The following TLL1 variants were observed in gnomAD, a reference collection of about 807,000 sequenced individuals.
TLL1 encodes the protein tolloid like 1.
In TLL1, 49 loss-of-function variants were observed where a neutral mutation model predicts 128.2. The ratio of observed to expected loss-of-function variants is 0.38; its 90% CI spans 0.30 to 0.48. The LOEUF (loss-of-function observed/expected upper bound fraction) is 0.48. Ranked by LOEUF, TLL1 falls within the 20% of genes least tolerant of loss-of-function variation. TLL1 has a pLI of 0.96. For synonymous variants in TLL1, 454 were observed against 418.8 expected, an observed-to-expected ratio of 1.08 and a Z score of -1.03; for missense variants, 1,123 against 1,242.0, an observed-to-expected ratio of 0.90 and a Z score of 1.44.
intron 13 of TLL1, 77 bp from the exon 14 acceptor site, chr4:166,057,107 G>C: frequency 6.4e-7 from 1 of 1,559,872 alleles, no homozygotes; most frequent in Non-Finnish European, 8.8e-7. Flanking sequence ...ATTTGGGTGG[G>C]GACACAGCCA....
In TLL1 at chr4:165,873,924, C is replaced by T. The variant is rs779541611; in HGVS notation, c.20C>T (p.Ser7Phe). 14 of 1,614,064 alleles carry T rather than the reference C, an allele frequency of 8.7e-6. No homozygotes were observed. Among genetic ancestry groups the T allele is most frequent in the Non-Finnish European group, 1.2e-5 (14 of 1,180,020 alleles). The change falls in exon 1 of 21, where the codon TCC (serine) becomes TTC (phenylalanine). Residue 7 changes from serine to phenylalanine, a missense_variant. Ser to Phe is a radical substitution (Grantham distance 155, BLOSUM62 -2). Transcript: ENST00000061240. MGLGTL[S>F]PRMLVWLVAS... ...AGGAGGATGGGGTTGGGAACGCTTT[C>T]CCCGAGGATGCTCGTGTGGCTGGTG... is the stretch of plus-strand genomic sequence containing the variant.
chr4:166,055,858 C>T (rs1175889011), intron 13 of TLL1, among the ~76,000 whole-genome samples: 6 of 152,044 alleles, frequency 3.9e-5, no homozygotes, highest in African/African-American at 1.4e-4. Context: ...ATATTAACAT[C>T]ACATATGCAT....
chr4:166,067,792 C>A (rs1191309868), intron 16 of TLL1, among the ~76,000 whole-genome samples: 3 of 151,548 alleles, frequency 2.0e-5, no homozygotes, highest in African/African-American at 7.3e-5. Context: ...AGAAATTAAA[C>A]CCCAAAGTTT....
chr4:165,926,538 G>A (rs1733277429), intron 1 of TLL1, among the ~76,000 whole-genome samples: 1 of 152,180 alleles, frequency 6.6e-6, no homozygotes, highest in Non-Finnish European at 1.5e-5. Flanking sequence ...GTCTCAGGAA[G>A]CAGAAGGCAG....
rs143316816 is a variant in TLL1 at position 166,003,575 on chromosome 4, A to G, written c.811+6A>G. ...AAGAGAAAACATCCAGCCAGGTGAGAGGCATAGAATGTGTTGGGTTTAAGG... is the reference window on the plus strand; with the variant it reads ...AAGAGAAAACATCCAGCCAGGTGAGGGGCATAGAATGTGTTGGGTTTAAGG... On this transcript the variant is annotated splice_donor_region_variant and intron_variant, in intron 6 of 20. Coordinates refer to ENST00000061240, the MANE Select transcript of TLL1 (RefSeq NM_012464.5). 4.3e-3 allele frequency: 6,877 copies of G among 1,613,836 alleles called. 23 individuals are homozygous for G. The highest frequency in any genetic ancestry group is 5.0e-3 in the Non-Finnish European group (5,875 of 1,179,774).
chr4:165,886,522 A>T (rs1731169831), intron 1 of TLL1, among the ~76,000 whole-genome samples: 1 of 152,218 alleles, frequency 6.6e-6, no homozygotes, highest in Non-Finnish European at 1.5e-5. Context: ...ATAAAAATGC[A>T]GTAAACAAAG....
intron 1 of TLL1, among the ~76,000 whole-genome samples, chr4:165,924,568 C>G (rs963924633): frequency 2.6e-5 from 4 of 152,184 alleles, no homozygotes; most frequent in Non-Finnish European, 5.9e-5. Context: ...AGGAAAGAAG[C>G]CTTCTCCATA....
At chr4:166,054,083 T>C (rs1739887519) in intron 12 of TLL1, among the ~76,000 whole-genome samples, 2 of 152,168 alleles carry the variant, frequency 1.3e-5, no homozygotes, top group Non-Finnish European at 1.5e-5. Context: ...ACCTGATATT[T>C]GCATTCATTT....
intron 9 of TLL1, among the ~76,000 whole-genome samples, chr4:166,032,510 G>A (rs1738816730): frequency 6.6e-6 from 1 of 152,026 alleles, no homozygotes; most frequent in Admixed American, 6.6e-5. Flanking sequence ...AAACTAAAAA[G>A]ACCAGAATTA....
intron 7 of TLL1, among the ~76,000 whole-genome samples, chr4:166,011,083 G>T (rs1302178412): frequency 4.6e-5 from 7 of 151,392 alleles, no homozygotes; most frequent in Non-Finnish European, 1.0e-4. Flanking sequence ...GTTCTGCAAA[G>T]TTGGAGTGTG....
chr4:166,010,575 A>T (rs976885148), intron 7 of TLL1, among the ~76,000 whole-genome samples: 2 of 149,790 alleles, frequency 1.3e-5, no homozygotes, highest in Admixed American at 1.3e-4. Context: ...AATATTGGAA[A>T]TTTTTTTTCC....
intron 19 of TLL1, among the ~76,000 whole-genome samples, chr4:166,092,798 G>C (rs1386917282): frequency 6.6e-6 from 1 of 151,866 alleles, no homozygotes; most frequent in Non-Finnish European, 1.5e-5. Flanking sequence ...TGGGATAACT[G>C]AGGTTCCATT....
chr4:165,911,449 C>T (rs911571690), intron 1 of TLL1, among the ~76,000 whole-genome samples: 1 of 152,140 alleles, frequency 6.6e-6, no homozygotes, highest in African/African-American at 2.4e-5. Context: ...CATTAAGGAA[C>T]ACTTAGGTTG....
rs575481767 is a variant in TLL1 at position 166,013,340 on chromosome 4, A to C, written c.918-1096A>C. On this transcript the variant is annotated intron_variant, in intron 7 of 20. Transcript: ENST00000061240. ...AAAGGAAGGAATTTCTGTTTGTTTT[A>C]TTTACTGCTACAAATCCAGACCTAG... 9.7e-4 allele frequency among the ~76,000 whole-genome samples: 148 copies of C among 151,894 alleles called. 1 individual carries two copies. Among genetic ancestry groups the C allele is most frequent in the African/African-American group, 3.3e-3 (138 of 41,492 alleles).
chr4:165,874,346 C>T (rs1730629606), intron 1 of TLL1, among the ~76,000 whole-genome samples: 1 of 152,160 alleles, frequency 6.6e-6, no homozygotes, highest in African/African-American at 2.4e-5. Context: ...GATCCCTCTC[C>T]CCTCCCCCAG....
chr4:166,061,504 A>G (rs964259441), intron 15 of TLL1, among the ~76,000 whole-genome samples: 1 of 151,940 alleles, frequency 6.6e-6, no homozygotes, highest in Non-Finnish European at 1.5e-5. Context: ...CTCAGCCTCC[A>G]GAAGTGCTGG....
At chr4:166,025,243 C>A in intron 8 of TLL1, 73 bp from the exon 9 acceptor site, 1 of 1,135,848 alleles carries the variant, frequency 8.8e-7, no homozygotes, top group Non-Finnish European at 1.3e-6. Context: ...AAAAACCCTT[C>A]ATGGCTTTGT....
At chr4:165,943,508 A>G (rs1734111603) in intron 1 of TLL1, among the ~76,000 whole-genome samples, 1 of 152,012 alleles carries the variant, frequency 6.6e-6, no homozygotes, top group Non-Finnish European at 1.5e-5. Context: ...ATGCACGTAA[A>G]AGAGAATGCT....
chr4:166,038,648 T>C (rs1739105493), intron 9 of TLL1, among the ~76,000 whole-genome samples: 1 of 152,202 alleles, frequency 6.6e-6, no homozygotes, highest in African/African-American at 2.4e-5. Flanking sequence ...CCTAGAATTG[T>C]CTCTTGAGTT....
Sources: allele counts gnomAD v4.1 joint callset (sites outside exome capture counted in the v4.1 genomes callset), GRCh38; gene constraint gnomAD v4.1.1; transcripts MANE v1.5; gene names NCBI Gene and HGNC (gene_info 2026-07-23, HGNC 2026-07-21).